The following ZNRF2 variants were observed in gnomAD, a reference collection of about 807,000 sequenced individuals.
ZNRF2 encodes E3 ubiquitin-protein ligase ZNRF2.
Under a neutral mutation model 20.4 loss-of-function variants are expected in ZNRF2, and 16 were observed. That is an observed-to-expected ratio of 0.79 (90% CI 0.53 to 1.19). The LOEUF (loss-of-function observed/expected upper bound fraction) is 1.19, where lower values mean the gene tolerates loss of function less well. Among genes scored for constraint, ZNRF2 ranks in the 50% most tolerant of loss-of-function variants. ZNRF2 has a pLI of 0.00. For synonymous variants in ZNRF2, 178 were observed against 144.9 expected (o/e 1.23, Z -1.64); for missense variants, 363 against 332.4 (o/e 1.09, Z -0.72).
At chr7:30,289,708 T>G (rs1201482468) in intron 1 of ZNRF2, 5 of 508,384 alleles carry the variant, frequency 9.8e-6, no homozygotes, top group African/African-American at 5.9e-5. Flanking sequence ...TTTGGAATTA[T>G]TCTTGACTGC....
intron 1 of ZNRF2, among the ~76,000 whole-genome samples, chr7:30,311,458 A>T (rs953007214): frequency 2.6e-5 from 4 of 152,218 alleles, no homozygotes; most frequent in African/African-American, 9.6e-5. Flanking sequence ...ATGCAGAGTG[A>T]ATTTCATGAA....
At chr7:30,355,599 T>G (rs1171320743) in intron 2 of ZNRF2, 129 bp from the exon 3 acceptor site, 1 of 627,846 alleles carries the variant, frequency 1.6e-6, no homozygotes, top group Non-Finnish European at 2.8e-6. Flanking sequence ...CTGAGTTTTA[T>G]GTATTTCTGG....
rs770412446 is a variant in ZNRF2, at chr7:30,341,651, A to G, written c.566-14077A>G. On this transcript the variant is annotated intron_variant, in intron 2 of 4. Transcript: ENST00000323037. ...TGTTTTACTTCCAATTATGTGGTCA[A>G]TTTTAGAATAGATGCGATGTGGTGC... 9.2e-5 allele frequency among the ~76,000 whole-genome samples: 14 copies of G among 152,266 alleles called. No homozygotes were observed. In the South Asian group the frequency reaches 1.0e-3, roughly 11 times the overall value.
intron 1 of ZNRF2, among the ~76,000 whole-genome samples, chr7:30,296,618 A>G (rs1213003350): frequency 6.6e-6 from 1 of 152,222 alleles, no homozygotes. Flanking sequence ...CCTGTCTATC[A>G]TAGCACTTCT....
intron 1 of ZNRF2, among the ~76,000 whole-genome samples, chr7:30,307,965 G>A (rs1247036247): frequency 3.9e-5 from 6 of 152,076 alleles, no homozygotes; most frequent in African/African-American, 1.4e-4. Context: ...GTTAGAAAAT[G>A]AATACCAATG....
chr7:30,298,787 C>G (rs150649678), intron 1 of ZNRF2, among the ~76,000 whole-genome samples: 4 of 152,164 alleles, frequency 2.6e-5, no homozygotes, highest in Non-Finnish European at 4.4e-5. Flanking sequence ...CAGCTCCTTA[C>G]GCAGACTGGC....
intron 2 of ZNRF2, among the ~76,000 whole-genome samples, chr7:30,355,394 A>G (rs1800020575): frequency 6.6e-6 from 1 of 152,110 alleles, no homozygotes; most frequent in Non-Finnish European, 1.5e-5. Context: ...TGGTCACACT[A>G]AAGGAAAATA....
intron 4 of ZNRF2, among the ~76,000 whole-genome samples, chr7:30,363,688 T>A (rs1380986239): frequency 6.6e-6 from 1 of 152,170 alleles, no homozygotes; most frequent in Non-Finnish European, 1.5e-5. Context: ...TTTAAGTTTT[T>A]CATGGTTCTG....
intron 1 of ZNRF2, among the ~76,000 whole-genome samples, chr7:30,309,796 G>T (rs977085379): frequency 6.6e-6 from 1 of 152,128 alleles, no homozygotes; most frequent in African/African-American, 2.4e-5. Context: ...GGAAAGTATA[G>T]ATATGTAGCA....
intron 1 of ZNRF2, among the ~76,000 whole-genome samples, chr7:30,287,238 G>C (rs1441317169): frequency 2.0e-5 from 3 of 152,170 alleles, no homozygotes; most frequent in African/African-American, 7.2e-5. Flanking sequence ...AGTTGCTGTA[G>C]TCCGCACTGA....
At position 30,284,953 on chromosome 7, in the gene ZNRF2, G is replaced by T. The variant is rs904907742; in HGVS notation, c.-405G>T. On this transcript the variant is annotated 5_prime_UTR_variant, in exon 1 of 5. Transcript: ENST00000323037. Reference sequence around the variant, plus strand: ...GAGGATGGCGGCGGTAGCAGCGGCCGCCCGAGAGGAGGCGGTGCCGAGATC... The same window carrying T: ...GAGGATGGCGGCGGTAGCAGCGGCCTCCCGAGAGGAGGCGGTGCCGAGATC... The T allele has an allele frequency of 3.7e-6, 1 of 270,764 alleles. No homozygotes were observed. The allele number at this position is 270,764 out of a possible 1,614,324, so 16.8% of individuals were successfully genotyped here.
intron 1 of ZNRF2, among the ~76,000 whole-genome samples, chr7:30,320,540 A>G (rs1043100104): frequency 2.0e-5 from 3 of 152,106 alleles, no homozygotes; most frequent in African/African-American, 7.2e-5. Flanking sequence ...CTATACTTTG[A>G]ATTTCAATAT....
At chr7:30,295,048 AGAGTGTGTGTGTGTGTGTGT>A (rs1798992987) in intron 1 of ZNRF2, among the ~76,000 whole-genome samples, 6 of 79,106 alleles carry the variant, frequency 7.6e-5, no homozygotes, top group African/African-American at 3.8e-4. Flanking sequence ...AGAGAGAGAG[AGAGTGTGTGTGTGTGTGTGT>A]GTGTGTGTGT....
intron 2 of ZNRF2, among the ~76,000 whole-genome samples, chr7:30,327,979 G>T (rs1562614217): frequency 6.6e-6 from 1 of 152,160 alleles, no homozygotes; most frequent in Non-Finnish European, 1.5e-5. Context: ...AGTTTTTGAG[G>T]TTTTAAAACT....
chr7:30,301,448 A>T (rs1022136842), intron 1 of ZNRF2, among the ~76,000 whole-genome samples: 1 of 152,136 alleles, frequency 6.6e-6, no homozygotes, highest in African/African-American at 2.4e-5. Context: ...ACGCCACTGC[A>T]CTCCATCCTG....
At chr7:30,342,799 G>T (rs1017821382) in intron 2 of ZNRF2, among the ~76,000 whole-genome samples, 2 of 152,044 alleles carry the variant, frequency 1.3e-5, no homozygotes, top group African/African-American at 4.8e-5. Flanking sequence ...CCGATAAGTA[G>T]TGGTTTTTTT....
intron 1 of ZNRF2, among the ~76,000 whole-genome samples, chr7:30,293,147 A>G (rs866912121): frequency 6.6e-6 from 1 of 152,106 alleles, no homozygotes; most frequent in Non-Finnish European, 1.5e-5. Flanking sequence ...TGAAGAGTCA[A>G]GGATTTATTT....
chr7:30,351,351 G>C (rs925368343), intron 2 of ZNRF2, among the ~76,000 whole-genome samples: 1 of 152,010 alleles, frequency 6.6e-6, no homozygotes, highest in African/African-American at 2.4e-5. Flanking sequence ...TATGTGGCTA[G>C]TGGTTACCAT....
intron 1 of ZNRF2, among the ~76,000 whole-genome samples, chr7:30,318,346 T>C (rs1437128921): frequency 6.6e-6 from 1 of 152,206 alleles, no homozygotes; most frequent in Non-Finnish European, 1.5e-5. Context: ...TGGGTGATTT[T>C]TGCTGGTGTC....
Sources: allele counts gnomAD v4.1 joint callset (sites outside exome capture counted in the v4.1 genomes callset), GRCh38; gene constraint gnomAD v4.1.1; transcripts MANE v1.5; gene names NCBI Gene and HGNC (gene_info 2026-07-23, HGNC 2026-07-21).